Variants in GGT5 observed in about 807,000 individuals in gnomAD.
GGT5 encodes glutathione hydrolase 5 proenzyme.
In GGT5, 50 loss-of-function variants were observed where a neutral mutation model predicts 58.1. The ratio of observed to expected loss-of-function variants is 0.86; its 90% confidence interval spans 0.69 to 1.09. The LOEUF is 1.09. GGT5 is among the 50% of genes least tolerant of loss of function. GGT5 has a pLI of 0.00. For synonymous variants in GGT5, 370 were observed against 346.1 expected (o/e 1.07, Z -0.77); for missense variants, 800 against 789.4 (o/e 1.01, Z -0.16).
At chr22:24,220,932 C>A (rs2047572041) in intron 11 of GGT5, among the ~76,000 whole-genome samples, 1 of 151,780 alleles carries the variant, frequency 6.6e-6, no homozygotes, top group African/African-American at 2.4e-5. Context: ...TGCTTATAGT[C>A]CCAGCTACTC....
intron 1 of GGT5, among the ~76,000 whole-genome samples, chr22:24,235,078 A>C (rs2048058468): frequency 1.8e-5 from 1 of 55,716 alleles, no homozygotes; most frequent in African/African-American, 7.4e-5. Flanking sequence ...TTTTTTTTTG[A>C]GACAGAGTTT....
chr22:24,236,113 C>G (rs552412155), intron 1 of GGT5, among the ~76,000 whole-genome samples: 83 of 152,350 alleles, frequency 5.4e-4, no homozygotes, highest in African/African-American at 1.7e-3. Context: ...TTATACCCAG[C>G]TATGCACAAG....
chr22:24,226,897 C>A, intron 6 of GGT5, 130 bp from the exon 7 acceptor site: 2 of 666,682 alleles, frequency 3.0e-6, no homozygotes, highest in Non-Finnish European at 5.3e-6. Context: ...TTACCTTATA[C>A]AGCACAAGAG....
In GGT5 at chr22:24,225,248, G is replaced by C; in HGVS notation, c.1500C>G (p.Ala500=). 1 of 1,613,220 alleles carries C rather than the reference G, an allele frequency of 6.2e-7. No individual in the cohort carries two copies. Among genetic ancestry groups the C allele is most frequent in the South Asian group, 1.1e-5 (1 of 91,072 alleles). Residue 500 remains alanine, a synonymous_variant, in exon 10 of 12, where the codon GCC becomes GCG. Coordinates refer to ENST00000327365, the MANE Select transcript of GGT5 (RefSeq NM_004121.5). ...AGGELIISAV[A]QAIMSKLWLG... is the part of the protein sequence containing the mutation. ...GAGCCAGGAGCCCCAGACTCACCTGGGCCACAGCAGAGATGATGAGCTCCC... is the reference window on the plus strand; with the variant it reads ...GAGCCAGGAGCCCCAGACTCACCTGCGCCACAGCAGAGATGATGAGCTCCC...
At chr22:24,238,924 TA>T (rs61342416) in intron 1 of GGT5, among the ~76,000 whole-genome samples, 291 of 23,238 alleles carry the variant, frequency 0.013, 41 homozygotes, top group African/African-American at 0.028. Context: ...ATTATATATA[TA>T]ATATATATTA....
In GGT5 at chr22:24,232,879, G is replaced by T. The variant is rs898819116; in HGVS notation, c.540C>A (p.Leu180=). 1.3e-6 allele frequency: 2 copies of T among 1,581,688 alleles called. No individual in the cohort carries two copies. The highest frequency in any genetic ancestry group is 1.7e-6 in the Non-Finnish European group (2 of 1,162,710). ...LRGGHVVAPV[L]SRFLHNSILR... ...GGATGCTGTTGTGCAGGAAACGGCTGAGGACAGGGGCCACCACATGCCCCC... is the reference window on the plus strand; with the variant it reads ...GGATGCTGTTGTGCAGGAAACGGCTTAGGACAGGGGCCACCACATGCCCCC... The change falls in exon 4 of 12, where the codon CTC becomes CTA. Residue 180 remains leucine, a synonymous_variant. Transcript: ENST00000327365.
At chr22:24,220,406 G>A (rs1028663866) in intron 11 of GGT5, 1 of 555,556 alleles carries the variant, frequency 1.8e-6, no homozygotes, top group East Asian at 4.3e-5. Flanking sequence ...AGGGCCTTGA[G>A]GTGCAAATCT....
At chr22:24,242,941 ACAT>A (rs1363915367) in intron 1 of GGT5, 1 of 152,222 alleles carries the variant, frequency 6.6e-6, no homozygotes, top group Non-Finnish European at 1.5e-5. Flanking sequence ...GGGGCAAACC[ACAT>A]CCTCTCTCTT....
In GGT5 at chr22:24,232,926, G is replaced by C. The variant is rs544097444; in HGVS notation, c.493C>G (p.Pro165Ala). Residue 165 changes from proline to alanine, a missense_variant, in exon 4 of 12, where the codon CCC (proline) becomes GCC (alanine). Pro to Ala is a conservative substitution (Grantham distance 27). Coordinates refer to ENST00000327365, the MANE Select transcript of GGT5 (RefSeq NM_004121.5). ...GRLPWAQLFQ[P>A]TIALLRGGHV... Reference sequence around the variant, plus strand: ...CCCCCTCGGAGCAGCGCGATGGTGGGCTGGAACAGCTGCGCCCAGGGCAGG... The same window carrying C: ...CCCCCTCGGAGCAGCGCGATGGTGGCCTGGAACAGCTGCGCCCAGGGCAGG... The C allele has an allele frequency of 3.7e-4, 577 of 1,574,296 alleles. 7 individuals carry two copies. In the South Asian group the frequency reaches 6.2e-3, roughly 17 times the overall value.
intron 3 of GGT5, 87 bp downstream of exon 3, chr22:24,233,411 C>G: frequency 1.3e-6 from 1 of 742,366 alleles, no homozygotes; most frequent in Non-Finnish European, 2.2e-6. Flanking sequence ...CACAGCCTGT[C>G]CGTGAGGCGC....
chr22:24,231,235 C>G, intron 6 of GGT5, 149 bp downstream of exon 6: 1 of 613,908 alleles, frequency 1.6e-6, no homozygotes, highest in African/African-American at 1.8e-5. Flanking sequence ...TTCCACAGCT[C>G]TGTCTTCATA....
At chr22:24,220,450 T>A (rs771041909) in intron 11 of GGT5, 4 of 494,742 alleles carry the variant, frequency 8.1e-6, no homozygotes, top group South Asian at 6.2e-5. Flanking sequence ...GGATGTGGCT[T>A]CTCAAGATTT....
At chr22:24,244,499 C>G in intron 1 of GGT5, 54 bp downstream of exon 1, 1 of 1,483,182 alleles carries the variant, frequency 6.7e-7, no homozygotes, top group Non-Finnish European at 9.4e-7. Flanking sequence ...CACGCCTTCT[C>G]CAGGAGGGGC....
chr22:24,238,049 T>C (rs2048150332), intron 1 of GGT5, among the ~76,000 whole-genome samples: 1 of 146,096 alleles, frequency 6.8e-6, no homozygotes, highest in Non-Finnish European at 1.5e-5. Context: ...CCAACGTGGT[T>C]AAAACCCCAT....
Position 24,238,891 on chromosome 22 carries a change from TTATA to T in GGT5, c.174-4891_174-4888del, listed in dbSNP as rs549567358. On this transcript the variant is annotated intron_variant, in intron 1 of 11. Coordinates refer to ENST00000327365, the MANE Select transcript of GGT5 (RefSeq NM_004121.5). ...ATATATATAATATATATTATATATTTTATATATATATATATTATATATATTATAT... is the reference window on the plus strand; with the variant it reads ...ATATATATAATATATATTATATATTTTATATATATATTATATATATTATAT... 8.3e-4 allele frequency among the ~76,000 whole-genome samples: 8 copies of T among 9,636 alleles called. No homozygotes were observed. In the South Asian group the frequency reaches 0.014, roughly 16 times the overall value. The allele number at this position is 9,636 out of a possible 152,430, so 6.3% of individuals were successfully genotyped here.
At chr22:24,241,842 A>G (rs1396912551) in intron 1 of GGT5, 1 of 149,700 alleles carries the variant, frequency 6.7e-6, no homozygotes, top group Non-Finnish European at 1.5e-5. Context: ...CCTGAGACCA[A>G]GTCTTGCTCT....
intron 2 of GGT5, 21 bp from the exon 3 acceptor site, chr22:24,233,614 T>A: frequency 6.9e-7 from 1 of 1,455,068 alleles, no homozygotes; most frequent in African/African-American, 1.4e-5. Context: ...GCAGGGCAGG[T>A]GAGTGGTCAT....
At chr22:24,224,813 AGAACTGGCCTGGAGGCCACT>A (rs1468271161) in intron 11 of GGT5, among the ~76,000 whole-genome samples, 163 bp downstream of exon 11, 20 of 152,224 alleles carry the variant, frequency 1.3e-4, no homozygotes, top group Non-Finnish European at 2.1e-4. Context: ...TGGAGGCCAC[AGAACTGGCCTGGAGGCCACT>A]GACAGCCTCA....
chr22:24,225,135 A>G (rs781106041), intron 10 of GGT5, 29 bp from the exon 11 acceptor site: 1 of 1,578,026 alleles, frequency 6.3e-7, no homozygotes, highest in Non-Finnish European at 8.7e-7. Context: ...TTTCAGGGAG[A>G]AAGGGGGCAC....
Sources: allele counts gnomAD v4.1 joint callset (sites outside exome capture counted in the v4.1 genomes callset), GRCh38; gene constraint gnomAD v4.1.1; transcripts MANE v1.5; gene names NCBI Gene and HGNC (gene_info 2026-07-23, HGNC 2026-07-21).